BABAM2: variants seen among roughly 807,000 people sequenced by gnomAD.
BABAM2 encodes the protein BRISC and BRCA1-A complex member 2.
BABAM2 carries 31 observed loss-of-function variants against 54.7 expected under a neutral mutation model. That is an observed-to-expected ratio of 0.57 (90% CI 0.43 to 0.77). The LOEUF (loss-of-function observed/expected upper bound fraction) is 0.77, where lower values mean the gene tolerates loss of function less well. Among genes scored for constraint, BABAM2 ranks in the 30% least tolerant of loss-of-function variants. The pLI is 0.00. For synonymous variants in BABAM2, 167 were observed against 162.9 expected (o/e 1.03, Z -0.19); for missense variants, 364 against 455.8 (o/e 0.80, Z 1.83).
chr2:28,237,116 G>A, intron 7 of BABAM2, 86 bp from the exon 8 acceptor site: 1 of 1,121,758 alleles, frequency 8.9e-7, no homozygotes, highest in Non-Finnish European at 1.3e-6. Context: ...AGACTTTGAT[G>A]AGAGAAGCCA....
chr2:28,141,856 G>A (rs138502287), intron 7 of BABAM2, among the ~76,000 whole-genome samples: 1 of 152,118 alleles, frequency 6.6e-6, no homozygotes, highest in African/African-American at 2.4e-5. Context: ...TGGATGGGGG[G>A]TATGTCAGGT....
intron 7 of BABAM2, among the ~76,000 whole-genome samples, chr2:28,137,793 G>T (rs983938429): frequency 1.4e-4 from 21 of 152,156 alleles, no homozygotes; most frequent in Non-Finnish European, 2.9e-5. Context: ...ACTGGTACAT[G>T]TTTCTTAAAC....
intron 9 of BABAM2, 23 bp from the exon 10 acceptor site, chr2:28,244,753 TTGTG>T: frequency 6.3e-7 from 1 of 1,589,922 alleles, no homozygotes; most frequent in South Asian, 1.1e-5. Context: ...TTTTTTTTGT[TTGTG>T]TGTGTATGTT....
intron 4 of BABAM2, among the ~76,000 whole-genome samples, chr2:28,013,558 G>A (rs555715464): frequency 1.3e-5 from 2 of 149,120 alleles, no homozygotes; most frequent in South Asian, 2.1e-4. Flanking sequence ...ATATATAACT[G>A]TCATATTCTG....
upstream of BABAM2, chr2:27,890,502 A>T (rs771142173): frequency 1.6e-6 from 1 of 634,190 alleles, no homozygotes; most frequent in Non-Finnish European, 2.8e-6. The surrounding 1 kb of genome is among the most constrained non-coding windows in gnomAD (Gnocchi z 4.8). Context: ...CCGCCCACCA[A>T]GTGTCCCCTC....
chr2:28,261,115 T>C (rs984695036), intron 10 of BABAM2, among the ~76,000 whole-genome samples: 10 of 151,804 alleles, frequency 6.6e-5, no homozygotes, highest in African/African-American at 2.4e-4. Context: ...CCAATTTTTG[T>C]ATTTTTAGTA....
At chr2:28,089,907 T>C (rs778084551) in intron 6 of BABAM2, among the ~76,000 whole-genome samples, 3 of 151,814 alleles carry the variant, frequency 2.0e-5, no homozygotes, top group Non-Finnish European at 4.4e-5. Flanking sequence ...TTTCTTTGTG[T>C]GTGTTTTATG....
chr2:28,201,939 C>CA (rs1558431823), intron 7 of BABAM2, among the ~76,000 whole-genome samples: 2 of 152,098 alleles, frequency 1.3e-5, no homozygotes, highest in Admixed American at 6.5e-5. Context: ...GATACAGAAC[C>CA]GGTGTTCTGT....
At chr2:28,093,632 A>G (rs1052916228) in intron 6 of BABAM2, among the ~76,000 whole-genome samples, 1 of 152,176 alleles carries the variant, frequency 6.6e-6, no homozygotes, top group Non-Finnish European at 1.5e-5. Flanking sequence ...GTTCCTTTAC[A>G]ACTTTTTAAA....
At chr2:28,006,614 A>G (rs1187843572) in intron 4 of BABAM2, among the ~76,000 whole-genome samples, 1 of 151,734 alleles carries the variant, frequency 6.6e-6, no homozygotes, top group African/African-American at 2.4e-5. Flanking sequence ...TAACTATATC[A>G]CTCTTTTTAA....
chr2:28,262,193 G>A (rs1278366079), intron 10 of BABAM2, among the ~76,000 whole-genome samples: 1 of 152,094 alleles, frequency 6.6e-6, no homozygotes, highest in Non-Finnish European at 1.5e-5. Context: ...TAAATGTTTA[G>A]AGGATCCCAA....
intron 3 of BABAM2, among the ~76,000 whole-genome samples, chr2:27,973,925 C>T (rs1389763882): frequency 6.6e-6 from 1 of 152,010 alleles, no homozygotes; most frequent in African/African-American, 2.4e-5. Context: ...TAACTTTATG[C>T]CAATTCATTT....
At chr2:28,162,313 C>T (rs1354123611) in intron 7 of BABAM2, among the ~76,000 whole-genome samples, 1 of 152,084 alleles carries the variant, frequency 6.6e-6, no homozygotes, top group Non-Finnish European at 1.5e-5. Context: ...TTTGAGAAAC[C>T]AGAACTTAAG....
At chr2:28,289,189 G>A (rs1464228392) in intron 10 of BABAM2, among the ~76,000 whole-genome samples, 2 of 152,004 alleles carry the variant, frequency 1.3e-5, no homozygotes, top group Non-Finnish European at 2.9e-5. Context: ...GTCTCTCCCA[G>A]AAGGAACCAC....
intron 6 of BABAM2, among the ~76,000 whole-genome samples, chr2:28,109,702 C>T (rs148175450): frequency 6.4e-4 from 97 of 152,262 alleles, no homozygotes; most frequent in African/African-American, 1.9e-3. Context: ...CTCCACCTGA[C>T]GCCTTTCTCT....
chr2:28,235,923 G>C (rs1681868023), intron 7 of BABAM2, among the ~76,000 whole-genome samples: 1 of 152,042 alleles, frequency 6.6e-6, no homozygotes, highest in African/African-American at 2.4e-5. Flanking sequence ...GCCTCCCAAA[G>C]TGCTGGGATT....
At chr2:28,062,618 T>G (rs191693619) in intron 6 of BABAM2, among the ~76,000 whole-genome samples, 6 of 150,364 alleles carry the variant, frequency 4.0e-5, no homozygotes, top group African/African-American at 1.5e-4. Context: ...ACCTGCTTCA[T>G]AAAACTTCTT....
chr2:28,171,642 C>T (rs1443290171), intron 7 of BABAM2, among the ~76,000 whole-genome samples: 2 of 152,140 alleles, frequency 1.3e-5, no homozygotes, highest in Admixed American at 6.5e-5. Context: ...TGATTGTTTT[C>T]CATGTTTAGT....
chr2:28,318,282 G>A (rs1689738714), intron 11 of BABAM2, among the ~76,000 whole-genome samples: 1 of 152,308 alleles, frequency 6.6e-6, no homozygotes, highest in Admixed American at 6.5e-5. Flanking sequence ...AACAGCCTGA[G>A]GGCAAAGCTA....
Sources: allele counts gnomAD v4.1 joint callset (sites outside exome capture counted in the v4.1 genomes callset), GRCh38; gene constraint gnomAD v4.1.1; non-coding constraint Gnocchi (gnomAD v3.1); transcripts MANE v1.5; gene names NCBI Gene and HGNC (gene_info 2026-07-23, HGNC 2026-07-21).